KCNH7: variants seen among roughly 807,000 people sequenced by gnomAD.
The protein encoded by KCNH7 is voltage-gated inwardly rectifying potassium channel KCNH7.
A neutral mutation model predicts 120.8 loss-of-function variants in KCNH7; 49 were observed. That is an observed-to-expected ratio of 0.41 (90% CI 0.32 to 0.51). KCNH7 has a LOEUF of 0.51. Ranked by LOEUF, KCNH7 falls within the 20% of genes least tolerant of loss-of-function variation. KCNH7 has a pLI of 0.38. For missense variants in KCNH7, 1,097 were observed against 1,446.6 expected (o/e 0.76, Z 3.92); for synonymous variants, 547 against 516.1 (o/e 1.06, Z -0.81).
At chr2:162,752,726 C>G (rs373187963) in intron 2 of KCNH7, among the ~76,000 whole-genome samples, 2 of 151,090 alleles carry the variant, frequency 1.3e-5, no homozygotes, top group Non-Finnish European at 2.9e-5. Flanking sequence ...TGGTGAAACC[C>G]CATCTCTACT....
chr2:162,525,781 C>T (rs1220196218), intron 3 of KCNH7, among the ~76,000 whole-genome samples: 1 of 151,850 alleles, frequency 6.6e-6, no homozygotes, highest in African/African-American at 2.4e-5. Flanking sequence ...GTACAGACAC[C>T]AATTACCCAA....
chr2:162,687,675 G>C (rs2105323044), intron 2 of KCNH7, among the ~76,000 whole-genome samples: 1 of 152,206 alleles, frequency 6.6e-6, no homozygotes, highest in East Asian at 1.9e-4. Context: ...AACATTGCTT[G>C]TTAGATATTT....
intron 2 of KCNH7, among the ~76,000 whole-genome samples, chr2:162,647,727 T>A (rs866810783): frequency 1.3e-5 from 2 of 152,168 alleles, no homozygotes; most frequent in African/African-American, 4.8e-5. Context: ...CCCAGCCACA[T>A]TGAACTGAGT....
intron 2 of KCNH7, among the ~76,000 whole-genome samples, chr2:162,643,991 C>T (rs73028575): frequency 0.1 from 15,706 of 151,922 alleles, 1,505 homozygotes; most frequent in East Asian, 0.3. Context: ...CGTGGTTCTT[C>T]AGTTTATGGG....
chr2:162,583,375 C>A (rs1450562681), intron 2 of KCNH7, among the ~76,000 whole-genome samples: 1 of 152,032 alleles, frequency 6.6e-6, no homozygotes, highest in African/African-American at 2.4e-5. Flanking sequence ...CAGGATATCA[C>A]AGTCATCTTT....
At chr2:162,610,234 G>A (rs1327386502) in intron 2 of KCNH7, among the ~76,000 whole-genome samples, 1 of 152,162 alleles carries the variant, frequency 6.6e-6, no homozygotes, top group Non-Finnish European at 1.5e-5. Context: ...AGGTTATGGA[G>A]AATGGGCAGG....
At chr2:162,823,048 C>T (rs906033592) in intron 2 of KCNH7, among the ~76,000 whole-genome samples, 5 of 152,114 alleles carry the variant, frequency 3.3e-5, no homozygotes, top group Admixed American at 2.0e-4. Flanking sequence ...ATTGTATCTA[C>T]GTGAACAGGA....
At chr2:162,393,489 G>T (rs77794094) in intron 12 of KCNH7, among the ~76,000 whole-genome samples, 1,628 of 152,002 alleles carry the variant, frequency 0.011, 27 homozygotes, top group African/African-American at 0.038. Flanking sequence ...ATTGACACTG[G>T]TATAGAATAT....
intron 2 of KCNH7, among the ~76,000 whole-genome samples, chr2:162,657,849 C>T (rs1684818861): frequency 6.7e-6 from 1 of 150,024 alleles, no homozygotes; most frequent in Admixed American, 6.6e-5. Flanking sequence ...ATATAAAAGG[C>T]AAACTATAAA....
In KCNH7 at chr2:162,518,070, G is replaced by T; in HGVS notation, c.552C>A (p.Val184=). 6.2e-7 allele frequency: 1 copy of T among 1,612,268 alleles called. No individual in the cohort carries two copies. Among genetic ancestry groups the T allele is most frequent in the South Asian group, 1.1e-5 (1 of 91,022 alleles). ...SLPQEDPDVV[V]IDSSKHSDDS... is the part of the protein sequence containing the mutation. ...CATCACTGTGTTTAGATGAATCGAT[G>T]ACCACCACATCGGGGTCTTCTTGTG... is the stretch of plus-strand genomic sequence containing the variant. The change falls in exon 4 of 16, where the codon GTC becomes GTA. Residue 184 remains valine, a synonymous_variant. Coordinates refer to ENST00000332142, the MANE Select transcript of KCNH7 (RefSeq NM_033272.4).
chr2:162,435,103 TA>T, intron 8 of KCNH7, 94 bp downstream of exon 8: 1 of 1,176,796 alleles, frequency 8.5e-7, no homozygotes, highest in Non-Finnish European at 1.2e-6. Context: ...CAATTTTCTG[TA>T]ATCTTTTTCT....
chr2:162,479,978 C>G (rs1391301601), intron 6 of KCNH7, among the ~76,000 whole-genome samples: 1 of 152,030 alleles, frequency 6.6e-6, no homozygotes, highest in African/African-American at 2.4e-5. Context: ...GCAAATGTAA[C>G]TTGATATTCC....
chr2:162,458,104 CGTGTGT>C (rs139079136), intron 6 of KCNH7, among the ~76,000 whole-genome samples: 3 of 130,884 alleles, frequency 2.3e-5, no homozygotes, highest in Admixed American at 9.8e-5. Flanking sequence ...TGGCTATGTG[CGTGTGT>C]GTGTGTGTGT....
At chr2:162,453,724 C>A (rs1304259467) in intron 6 of KCNH7, among the ~76,000 whole-genome samples, 1 of 152,156 alleles carries the variant, frequency 6.6e-6, no homozygotes, top group Non-Finnish European at 1.5e-5. Flanking sequence ...TGGTGAAGAG[C>A]TTTTTTTCAT....
intron 3 of KCNH7, among the ~76,000 whole-genome samples, chr2:162,525,974 T>G (rs1317259514): frequency 6.6e-6 from 1 of 151,926 alleles, no homozygotes; most frequent in South Asian, 2.1e-4. Flanking sequence ...CAGCCAGATA[T>G]CGGGTGAAAT....
chr2:162,481,912 G>C (rs975148822), intron 6 of KCNH7, among the ~76,000 whole-genome samples: 1 of 152,068 alleles, frequency 6.6e-6, no homozygotes, highest in Non-Finnish European at 1.5e-5. Flanking sequence ...TTAAGAAAAT[G>C]AAATAAACTC....
chr2:162,376,285 A>T (rs541929369), intron 14 of KCNH7, among the ~76,000 whole-genome samples: 23 of 152,254 alleles, frequency 1.5e-4, no homozygotes, highest in Non-Finnish European at 2.9e-4. Flanking sequence ...AGGCATGCAG[A>T]TAAATTGCTC....
intron 2 of KCNH7, among the ~76,000 whole-genome samples, chr2:162,826,613 A>G (rs1218005347): frequency 6.6e-6 from 1 of 152,178 alleles, no homozygotes; most frequent in Non-Finnish European, 1.5e-5. Flanking sequence ...CATAGCAGCA[A>G]AATGACAAAC....
At chr2:162,752,983 GAAAAGA>G (rs1559116422) in intron 2 of KCNH7, among the ~76,000 whole-genome samples, 90 of 121,306 alleles carry the variant, frequency 7.4e-4, no homozygotes, top group African/African-American at 3.9e-3. Flanking sequence ...GAAAAGAAAA[GAAAAGA>G]AAAGAAAAGA....
Sources: gnomAD v4.1 joint callset for allele counts (sites outside exome capture counted in the v4.1 genomes callset) on GRCh38, gnomAD v4.1.1 for gene constraint, MANE v1.5 for transcripts, NCBI Gene and HGNC (gene_info 2026-07-23, HGNC 2026-07-21) for gene names.